Variants in FGF12 observed in about 807,000 individuals in gnomAD.
The protein encoded by FGF12 is fibroblast growth factor 12B.
FGF12 carries 14 observed loss-of-function variants against 23.6 expected under a neutral mutation model. That is an observed-to-expected ratio of 0.59 (90% CI 0.39 to 0.93). The LOEUF (loss-of-function observed/expected upper bound fraction) is 0.93. Among genes scored for constraint, FGF12 ranks in the 40% least tolerant of loss-of-function variants. The pLI, the probability that FGF12 is intolerant of heterozygous loss-of-function variation, is 0.00. For missense variants in FGF12, 175 were observed against 217.8 expected (o/e 0.80, Z 1.24); for synonymous variants, 62 against 77.3 (o/e 0.80, Z 1.04).
intron 2 of FGF12, among the ~76,000 whole-genome samples, chr3:192,414,321 G>C (rs553457504): frequency 6.6e-6 from 1 of 152,258 alleles, no homozygotes; most frequent in African/African-American, 2.4e-5. Flanking sequence ...AAGAAACCAG[G>C]ACAGAGAGGT....
chr3:192,354,646 A>T (rs1429676646), intron 3 of FGF12, among the ~76,000 whole-genome samples: 1 of 152,064 alleles, frequency 6.6e-6, no homozygotes, highest in Non-Finnish European at 1.5e-5. Context: ...CTCATAATTT[A>T]AAAAAAATTA....
At position 192,401,635 on chromosome 3, in the gene FGF12, A is replaced by C. The variant is rs190639613; in HGVS notation, c.14-41097T>G. On this transcript the variant is annotated intron_variant, in intron 2 of 5. Coordinates refer to ENST00000445105, the MANE Select transcript of FGF12 (RefSeq NM_004113.6). ...CTCTTCTCCAAAGGCAAAGTGCCCA[A>C]TTAAAAATACAAGTCGCATGATATC... Among the ~76,000 whole-genome samples, 530 of 152,278 alleles carry C rather than the reference A, an allele frequency of 3.5e-3. 1 individual carries two copies. Among genetic ancestry groups the C allele is most frequent in the Admixed American group, 7.4e-3 (114 of 15,306 alleles).
chr3:192,146,223 A>G (rs1285810497), intron 5 of FGF12, among the ~76,000 whole-genome samples: 1 of 152,080 alleles, frequency 6.6e-6, no homozygotes, highest in Non-Finnish European at 1.5e-5. Flanking sequence ...CTTAAGCTTC[A>G]TCCAGGGATA....
rs75228885 is a variant in FGF12, at chr3:192,533,494, T to G, written c.14-172956A>C. On this transcript the variant is annotated intron_variant, in intron 2 of 5. Coordinates refer to ENST00000445105, the MANE Select transcript of FGF12 (RefSeq NM_004113.6). ...TCTCATAAGTAGGACAAATAAAGAC[T>G]ATAAATAGCCTCCTGTCAATTCAGG... 1.8e-3 allele frequency among the ~76,000 whole-genome samples: 281 copies of G among 152,312 alleles called. 2 individuals carry two copies. The highest frequency in any genetic ancestry group is 6.3e-3 in the African/African-American group (262 of 41,572).
At chr3:192,595,082 G>C (rs1713784109) in intron 2 of FGF12, among the ~76,000 whole-genome samples, 1 of 152,088 alleles carries the variant, frequency 6.6e-6, no homozygotes, top group African/African-American at 2.4e-5. Flanking sequence ...TCCTTGTAGG[G>C]TATTAACCAA....
At chr3:192,308,832 T>A (rs971554646) in intron 4 of FGF12, among the ~76,000 whole-genome samples, 3 of 152,162 alleles carry the variant, frequency 2.0e-5, no homozygotes, top group Non-Finnish European at 2.9e-5. Context: ...TTTTAAGGAA[T>A]TAAATTAGGT....
chr3:192,616,467 T>C (rs1311407219), intron 2 of FGF12, among the ~76,000 whole-genome samples: 1 of 152,010 alleles, frequency 6.6e-6, no homozygotes, highest in Non-Finnish European at 1.5e-5. Flanking sequence ...AAGCCTATTG[T>C]TTTTAACATC....
intron 2 of FGF12, among the ~76,000 whole-genome samples, chr3:192,515,922 C>T (rs191338275): frequency 1.3e-5 from 2 of 151,190 alleles, no homozygotes; most frequent in Non-Finnish European, 2.9e-5. Flanking sequence ...AGTGACAGGA[C>T]GTAACCCTAT....
intron 4 of FGF12, among the ~76,000 whole-genome samples, chr3:192,286,270 G>C (rs1473376887): frequency 6.6e-6 from 1 of 152,002 alleles, no homozygotes; most frequent in African/African-American, 2.4e-5. Context: ...TTCTGATGGA[G>C]CTATGAAGCC....
In FGF12 at chr3:192,514,760, A is replaced by G; in HGVS notation, c.14-154222T>C. On this transcript the variant is annotated intron_variant, in intron 2 of 5. Coordinates refer to ENST00000445105, the MANE Select transcript of FGF12 (RefSeq NM_004113.6). This position sits in a 1 kb window ranked among gnomAD's most constrained non-coding sequence, Gnocchi z 4.9. ...AGAGAAAGCTCAAGAATCTTCATGG[A>G]GAAGCGCGTGTGTGGGGTTGGTCAA... The G allele has an allele frequency of 1.0e-6, 1 of 985,386 alleles. No homozygotes were observed. Among genetic ancestry groups the G allele is most frequent in the Non-Finnish European group, 1.2e-6 (1 of 829,902 alleles). 61.0% of individuals were successfully genotyped at this position (985,386 alleles called of 1,614,324 possible).
At chr3:192,630,249 A>G (rs1715333268) in intron 2 of FGF12, among the ~76,000 whole-genome samples, 1 of 152,166 alleles carries the variant, frequency 6.6e-6, no homozygotes, top group African/African-American at 2.4e-5. Flanking sequence ...AGATGCCAAC[A>G]TCGTGCTTCC....
At chr3:192,572,540 C>T (rs893694497) in intron 2 of FGF12, among the ~76,000 whole-genome samples, 1 of 152,024 alleles carries the variant, frequency 6.6e-6, no homozygotes, top group African/African-American at 2.4e-5. Context: ...ACAAAACAAA[C>T]AAAACTCAAA....
intron 2 of FGF12, among the ~76,000 whole-genome samples, chr3:192,715,507 C>T (rs1057172221): frequency 6.6e-6 from 1 of 152,168 alleles, no homozygotes; most frequent in Non-Finnish European, 1.5e-5. Flanking sequence ...CATTTTATCC[C>T]TTCTGCAAGA....
In FGF12 at chr3:192,614,402, A is replaced by G. The variant is rs112478247; in HGVS notation, c.13+112779T>C. On this transcript the variant is annotated intron_variant, in intron 2 of 5. Coordinates refer to ENST00000445105, the MANE Select transcript of FGF12 (RefSeq NM_004113.6). ...TTTTAATTGGGACAAGAAGGAAGAAACCTATATCCTGCCATGGATTTTTTA... is the reference window on the plus strand; with the variant it reads ...TTTTAATTGGGACAAGAAGGAAGAAGCCTATATCCTGCCATGGATTTTTTA... Among the ~76,000 whole-genome samples, 251 of 151,996 alleles carry G rather than the reference A, an allele frequency of 1.7e-3. 1 individual carries two copies. The highest frequency in any genetic ancestry group is 5.7e-3 in the African/African-American group (238 of 41,516).
intron 2 of FGF12, among the ~76,000 whole-genome samples, chr3:192,716,034 A>G (rs1032441330): frequency 6.6e-6 from 1 of 152,262 alleles, no homozygotes; most frequent in African/African-American, 2.4e-5. Flanking sequence ...CAAAATACAC[A>G]TCTATTTCTA....
chr3:192,191,804 C>T (rs1716806827), intron 4 of FGF12, among the ~76,000 whole-genome samples: 1 of 151,360 alleles, frequency 6.6e-6, no homozygotes, highest in Non-Finnish European at 1.5e-5. Context: ...CCACTGTACT[C>T]CAGCCTGGGA....
intron 2 of FGF12, among the ~76,000 whole-genome samples, chr3:192,378,284 T>C (rs2710778): frequency 0.49 from 72,896 of 148,746 alleles, 19,188 homozygotes; most frequent in African/African-American, 0.59. Flanking sequence ...CTAATTTTTG[T>C]ATTTTTGTAG....
At chr3:192,481,755 G>A (rs1464178970) in intron 2 of FGF12, among the ~76,000 whole-genome samples, 1 of 152,142 alleles carries the variant, frequency 6.6e-6, no homozygotes, top group African/African-American at 2.4e-5. Flanking sequence ...CTGAAGTTCG[G>A]TCTACGTCTG....
At chr3:192,199,206 G>C (rs1026170521) in intron 4 of FGF12, among the ~76,000 whole-genome samples, 1 of 152,162 alleles carries the variant, frequency 6.6e-6, no homozygotes, top group African/African-American at 2.4e-5. Context: ...AAAGGGATGA[G>C]ATAATCTCAG....
Sources: allele counts gnomAD v4.1 joint callset (sites outside exome capture counted in the v4.1 genomes callset), GRCh38; gene constraint gnomAD v4.1.1; non-coding constraint Gnocchi (gnomAD v3.1); transcripts MANE v1.5; gene names NCBI Gene and HGNC (gene_info 2026-07-23, HGNC 2026-07-21).